ZNF469: variants seen among roughly 807,000 people sequenced by gnomAD.
ZNF469 encodes the protein zinc finger protein 469.
In ZNF469, 1 loss-of-function variant was observed where a neutral mutation model predicts 1.0. That is an observed-to-expected ratio of 1.00 (90% CI 0.35 to 4.73). The LOEUF is 4.73. Ranked by LOEUF, ZNF469 falls within the 30% of genes most tolerant of loss-of-function variation. ZNF469 has a pLI of 0.16. For missense variants in ZNF469, 6,100 were observed against 5,356.3 expected (o/e 1.14, Z -4.33); for synonymous variants, 2,703 against 2,363.4 (o/e 1.14, Z -4.17).
the ZNF469 span, among the ~76,000 whole-genome samples, chr16:88,181,035 T>G: frequency 6.6e-6 from 1 of 152,092 alleles, no homozygotes; most frequent in Non-Finnish European, 1.5e-5. Context: ...TGATTTGACA[T>G]TTATTAAGCA....
At chr16:88,116,907 C>T in the ZNF469 span, among the ~76,000 whole-genome samples, 7 of 151,626 alleles carry the variant, frequency 4.6e-5, no homozygotes, top group Non-Finnish European at 1.0e-4. Context: ...GTGGCAGTTA[C>T]ACGAATCTAC....
At chr16:88,316,067 C>A in the ZNF469 span, among the ~76,000 whole-genome samples, 1 of 152,252 alleles carries the variant, frequency 6.6e-6, no homozygotes, top group African/African-American at 2.4e-5. Context: ...GCACATGCTG[C>A]CACCACAGCC....
chr16:88,188,198 G>T, the ZNF469 span, among the ~76,000 whole-genome samples: 5 of 151,922 alleles, frequency 3.3e-5, no homozygotes, highest in Admixed American at 2.0e-4. Context: ...TCCTTCCAAG[G>T]TCCAGATCAC....
chr16:88,242,110 C>T, the ZNF469 span, among the ~76,000 whole-genome samples: 2 of 152,326 alleles, frequency 1.3e-5, no homozygotes, highest in African/African-American at 4.8e-5. Context: ...GCACCACCTG[C>T]AGGTGGCCCA....
the ZNF469 span, among the ~76,000 whole-genome samples, chr16:88,202,296 A>G: frequency 6.6e-6 from 1 of 152,226 alleles, no homozygotes; most frequent in Non-Finnish European, 1.5e-5. Context: ...GGCTGAACAC[A>G]GCCCAGGAGC....
chr16:88,243,582 C>T, the ZNF469 span, among the ~76,000 whole-genome samples: 1 of 152,102 alleles, frequency 6.6e-6, no homozygotes, highest in African/African-American at 2.4e-5. Context: ...TCTCCTTCAA[C>T]CCCATGGTCC....
the ZNF469 span, among the ~76,000 whole-genome samples, chr16:88,202,344 C>T: frequency 3.0e-3 from 457 of 152,302 alleles, 2 homozygotes; most frequent in African/African-American, 0.011. Context: ...GGCTCGGGCT[C>T]AGGACCGGGG....
the ZNF469 span, among the ~76,000 whole-genome samples, chr16:88,264,117 C>A: frequency 6.6e-6 from 1 of 152,128 alleles, no homozygotes; most frequent in African/African-American, 2.4e-5. Flanking sequence ...AAGCTGGCCA[C>A]AGGGGCCACG....
At chr16:88,166,479 A>G in the ZNF469 span, among the ~76,000 whole-genome samples, 1 of 152,148 alleles carries the variant, frequency 6.6e-6, no homozygotes, top group Non-Finnish European at 1.5e-5. The surrounding 1 kb of genome is among the most constrained non-coding windows in gnomAD (Gnocchi z 4.5). Flanking sequence ...GTTTTGGCAA[A>G]TGTGAGCGCC....
At chr16:88,140,894 T>C in the ZNF469 span, among the ~76,000 whole-genome samples, 1 of 152,008 alleles carries the variant, frequency 6.6e-6, no homozygotes, top group African/African-American at 2.4e-5. Context: ...GATCATGCCA[T>C]TGCACTGCAG....
chr16:88,105,775 A>G, the ZNF469 span, among the ~76,000 whole-genome samples: 3 of 152,228 alleles, frequency 2.0e-5, no homozygotes, highest in Non-Finnish European at 2.9e-5. Context: ...GATGTCTGCC[A>G]TGACTGGGTA....
the ZNF469 span, among the ~76,000 whole-genome samples, chr16:88,167,063 TTTTTTTTTTTTTTTC>T: frequency 4.1e-4 from 56 of 137,328 alleles, 1 homozygote; most frequent in East Asian, 0.011. Context: ...CTTTTTTTTT[TTTTTTTTTTTTTTTC>T]TAAGAGGGAA....
At chr16:88,359,154 C>T in the ZNF469 span, among the ~76,000 whole-genome samples, 6 of 152,088 alleles carry the variant, frequency 3.9e-5, no homozygotes, top group African/African-American at 1.2e-4. Flanking sequence ...CCTGGGGGCT[C>T]GGTATCCTGC....
In ZNF469 at chr16:88,428,953, C is replaced by T. The variant is rs202205643; in HGVS notation, c.1483C>T (p.Pro495Ser). The change falls in exon 3 of 3, where the codon CCC (proline) becomes TCC (serine). Residue 495 changes from proline (P) to serine (S), a missense_variant. Coordinates refer to ENST00000565624, the MANE Select transcript of ZNF469 (RefSeq NM_001367624.2). ...AGTGCTCCCGACCGCCCGGCCAAGT[C>T]CCCACGGAATGGAGATGCTGAGCCG... ...PQVLPTARPS[P>S]HGMEMLSRLP... 1.3e-3 allele frequency: 2,007 copies of T among 1,547,808 alleles called. 5 individuals carry two copies. Among genetic ancestry groups the T allele is most frequent in the Non-Finnish European group, 1.7e-3 (1,943 of 1,146,158 alleles).
the ZNF469 span, among the ~76,000 whole-genome samples, chr16:88,195,748 G>A: frequency 6.6e-6 from 1 of 152,232 alleles, no homozygotes; most frequent in East Asian, 1.9e-4. Context: ...GGAGAACAGA[G>A]CCCAGAGCGT....
chr16:88,244,040 G>A, the ZNF469 span, among the ~76,000 whole-genome samples: 2 of 146,240 alleles, frequency 1.4e-5, no homozygotes, highest in Non-Finnish European at 3.0e-5. Flanking sequence ...ATCATCGGTG[G>A]ATGGGTGAAT....
chr16:88,419,098 T>C (rs4782358), intron 1 of ZNF469, among the ~76,000 whole-genome samples: 137,762 of 152,276 alleles, frequency 0.9, 62,394 homozygotes, highest in East Asian at 0.93. Flanking sequence ...TTCCCAGCCT[T>C]GCTGTCTCGG....
At chr16:88,376,378 T>G in the ZNF469 span, among the ~76,000 whole-genome samples, 34 of 152,324 alleles carry the variant, frequency 2.2e-4, no homozygotes, top group African/African-American at 7.9e-4. Flanking sequence ...TGAGGGGACG[T>G]CCGGGGTGAG....
chr16:88,198,345 G>A, the ZNF469 span, among the ~76,000 whole-genome samples: 1 of 152,212 alleles, frequency 6.6e-6, no homozygotes, highest in African/African-American at 2.4e-5. Flanking sequence ...GACGTGGGAA[G>A]CCCGGCAGAC....
Sources: allele counts gnomAD v4.1 joint callset (sites outside exome capture counted in the v4.1 genomes callset), GRCh38; gene constraint gnomAD v4.1.1; non-coding constraint Gnocchi (gnomAD v3.1); transcripts MANE v1.5; gene names NCBI Gene and HGNC (gene_info 2026-07-23, HGNC 2026-07-21).